Variants in INPP4B observed in about 807,000 individuals in gnomAD.
INPP4B encodes the protein inositol polyphosphate 4-phosphatase type II.
In INPP4B, 55 loss-of-function variants were observed where a neutral mutation model predicts 122.5. That is an observed-to-expected ratio of 0.45 (90% CI 0.36 to 0.56). INPP4B has a LOEUF of 0.56. Among genes scored for constraint, INPP4B ranks in the 20% least tolerant of loss-of-function variants. The probability of loss-of-function intolerance (pLI) is 0.00; values close to 1 mark genes in which losing one functional copy is unlikely to be tolerated. For missense variants in INPP4B, 1,000 were observed against 1,097.7 expected, an observed-to-expected ratio of 0.91 and a Z score of 1.26; for synonymous variants, 403 against 388.7, an observed-to-expected ratio of 1.04 and a Z score of -0.43.
rs1161514006 is a variant in INPP4B, at chr4:142,214,867, T to C, written c.837-5841A>G. Reference sequence around the variant, plus strand: ...TGCGCCCGACCCAGCACATTAATTGTTTATTTGTATAGATGAAAAAAGACC... The same window carrying C: ...TGCGCCCGACCCAGCACATTAATTGCTTATTTGTATAGATGAAAAAAGACC... On this transcript the variant is annotated intron_variant, in intron 12 of 25. Transcript: ENST00000262992. 2.0e-5 allele frequency among the ~76,000 whole-genome samples: 3 copies of C among 152,146 alleles called. No individual in the cohort carries two copies. The South Asian group carries it at 6.2e-4, about 31-fold the overall frequency.
chr4:142,728,758 C>T (rs747781632), intron 1 of INPP4B, among the ~76,000 whole-genome samples: 4 of 152,102 alleles, frequency 2.6e-5, no homozygotes, highest in South Asian at 4.1e-4. Flanking sequence ...CTAGAGCCTC[C>T]GGAGAGAGCA....
chr4:142,294,214 G>T (rs1757602121), intron 9 of INPP4B, among the ~76,000 whole-genome samples: 1 of 152,058 alleles, frequency 6.6e-6, no homozygotes, highest in Admixed American at 6.6e-5. Context: ...TATATAAATA[G>T]AAATGCAAAA....
At chr4:142,441,029 G>T (rs915490909) in intron 3 of INPP4B, among the ~76,000 whole-genome samples, 24 of 152,114 alleles carry the variant, frequency 1.6e-4, no homozygotes, top group African/African-American at 5.8e-4. Context: ...AGCAAGACAA[G>T]CGGAGATCAG....
intron 1 of INPP4B, among the ~76,000 whole-genome samples, chr4:142,798,598 A>C (rs1777585515): frequency 6.6e-6 from 1 of 151,834 alleles, no homozygotes; most frequent in Non-Finnish European, 1.5e-5. Context: ...GTAGAAATTA[A>C]AATGTGTCAT....
chr4:142,476,696 C>G (rs1437842560), intron 2 of INPP4B, among the ~76,000 whole-genome samples: 1 of 152,008 alleles, frequency 6.6e-6, no homozygotes, highest in African/African-American at 2.4e-5. Flanking sequence ...AAACAGTGAT[C>G]AAAAATGACA....
intron 7 of INPP4B, among the ~76,000 whole-genome samples, chr4:142,375,851 T>C (rs1219663410): frequency 6.6e-6 from 1 of 151,866 alleles, no homozygotes; most frequent in Non-Finnish European, 1.5e-5. Flanking sequence ...TCTGACCCAA[T>C]AACAGCAAGT....
chr4:142,622,103 T>C (rs1745070082), intron 2 of INPP4B, among the ~76,000 whole-genome samples: 1 of 152,006 alleles, frequency 6.6e-6, no homozygotes. Context: ...TGGCACAGGA[T>C]AGATGCTGAA....
At chr4:142,146,958 T>C (rs1385309231) in intron 17 of INPP4B, among the ~76,000 whole-genome samples, 1 of 152,178 alleles carries the variant, frequency 6.6e-6, no homozygotes. Context: ...ATTCACAAAA[T>C]TGCTATTAAT....
At chr4:142,167,755 C>T (rs1823516323) in intron 16 of INPP4B, among the ~76,000 whole-genome samples, 1 of 151,566 alleles carries the variant, frequency 6.6e-6, no homozygotes, top group Non-Finnish European at 1.5e-5. Context: ...ATATAAGAAA[C>T]ATGTTTGAAT....
intron 1 of INPP4B, among the ~76,000 whole-genome samples, chr4:142,794,302 G>A (rs1351209511): frequency 6.6e-6 from 1 of 151,974 alleles, no homozygotes; most frequent in African/African-American, 2.4e-5. Flanking sequence ...ATTAGGGATA[G>A]ACAAATAGAA....
chr4:142,677,491 G>A (rs534960754), intron 2 of INPP4B, among the ~76,000 whole-genome samples: 3 of 152,098 alleles, frequency 2.0e-5, no homozygotes, highest in East Asian at 1.9e-4. Context: ...TCCCATTACC[G>A]TGTAATACCC....
intron 2 of INPP4B, among the ~76,000 whole-genome samples, chr4:142,623,120 C>T (rs1198049790): frequency 6.6e-6 from 1 of 151,952 alleles, no homozygotes; most frequent in Non-Finnish European, 1.5e-5. Flanking sequence ...GCCTTTACTT[C>T]TCCCTCTGAT....
intron 2 of INPP4B, among the ~76,000 whole-genome samples, chr4:142,623,665 C>T (rs1463909261): frequency 6.6e-6 from 1 of 151,514 alleles, no homozygotes; most frequent in Non-Finnish European, 1.5e-5. Context: ...TGTGCTGCAC[C>T]CATTAACTCA....
chr4:142,164,492 A>G (rs548634922), intron 16 of INPP4B, among the ~76,000 whole-genome samples: 33 of 151,944 alleles, frequency 2.2e-4, no homozygotes, highest in African/African-American at 7.7e-4. Context: ...GAATAGTGCT[A>G]CACTCTGTCA....
Position 142,023,778 on chromosome 4 carries a change from G to T in INPP4B, c.*5004C>A, listed in dbSNP as rs1001403562. On this transcript the variant is annotated 3_prime_UTR_variant, in exon 26 of 26. Transcript: ENST00000262992. ...GTATTTACTAAAATATATTTTTTTT[G>T]GCAAGATGTGATTTATCAGGCAACA... 3.3e-5 allele frequency: 5 copies of T among 151,832 alleles called. No individual in the cohort carries two copies. Among genetic ancestry groups the T allele is most frequent in the Non-Finnish European group, 5.9e-5 (4 of 67,890 alleles). The allele number at this position is 151,832 out of a possible 1,614,324, so 9.4% of individuals were successfully genotyped here. A position where few individuals can be genotyped will look rare whatever the true frequency, so the allele number is the denominator to read the frequency against.
intron 2 of INPP4B, among the ~76,000 whole-genome samples, chr4:142,692,756 G>C (rs1218925515): frequency 2.6e-5 from 4 of 152,060 alleles, no homozygotes; most frequent in African/African-American, 9.7e-5. Flanking sequence ...TTCAATTCCT[G>C]GCCAGGGAAC....
intron 25 of INPP4B, among the ~76,000 whole-genome samples, chr4:142,035,772 G>C (rs1020769586): frequency 8.5e-5 from 13 of 152,300 alleles, no homozygotes; most frequent in Admixed American, 2.0e-4. Flanking sequence ...TCTATCTCAT[G>C]CTTGAATAAT....
chr4:142,601,218 T>C (rs1018112924), intron 2 of INPP4B, among the ~76,000 whole-genome samples: 1 of 152,032 alleles, frequency 6.6e-6, no homozygotes, highest in Non-Finnish European at 1.5e-5. Context: ...CTAACAAACA[T>C]TTACAGAACA....
At chr4:142,803,567 G>A (rs1235766430) in intron 1 of INPP4B, among the ~76,000 whole-genome samples, 1 of 150,088 alleles carries the variant, frequency 6.7e-6, no homozygotes. Context: ...CCCTACAAAG[G>A]GACTTCCCTT....
Sources: gnomAD v4.1 joint callset for allele counts (sites outside exome capture counted in the v4.1 genomes callset) on GRCh38, gnomAD v4.1.1 for gene constraint, MANE v1.5 for transcripts, NCBI Gene and HGNC (gene_info 2026-07-23, HGNC 2026-07-21) for gene names.